TXNRD1: variants seen among roughly 807,000 people sequenced by gnomAD.
TXNRD1 encodes thioredoxin reductase 1, cytoplasmic.
A neutral mutation model predicts 80.3 loss-of-function variants in TXNRD1; 57 were observed. The observed-to-expected ratio is 0.71, with a 90% CI of 0.57 to 0.89. The LOEUF (loss-of-function observed/expected upper bound fraction) is 0.89. TXNRD1 is among the 40% of genes least tolerant of loss of function. The probability of loss-of-function intolerance (pLI) is 0.00; values close to 1 mark genes in which losing one functional copy is unlikely to be tolerated. For missense variants in TXNRD1, 730 were observed against 803.0 expected, an observed-to-expected ratio of 0.91 and a Z score of 1.10; for synonymous variants, 291 against 285.2, an observed-to-expected ratio of 1.02 and a Z score of -0.20.
chr12:104,329,242 A>G (rs1298496199), intron 13 of TXNRD1, among the ~76,000 whole-genome samples: 1 of 151,966 alleles, frequency 6.6e-6, no homozygotes, highest in African/African-American at 2.4e-5. Context: ...GTTGTTGAGT[A>G]TCTGGTACCT....
rs74462356 is a variant in TXNRD1, at chr12:104,305,721, C to G, written c.415-5569C>G. 4.6e-5 allele frequency among the ~76,000 whole-genome samples: 7 copies of G among 152,260 alleles called. No individual in the cohort carries two copies. In the South Asian group the frequency reaches 1.2e-3, roughly 27 times the overall value. On this transcript the variant is annotated intron_variant, in intron 4 of 16. Coordinates refer to ENST00000525566, the MANE Select transcript of TXNRD1 (RefSeq NM_001093771.3). ...TAATATCCTGAGAAGATGTTTTTGTCAAACTATTATACATTGAACACAAGA... is the reference window on the plus strand; with the variant it reads ...TAATATCCTGAGAAGATGTTTTTGTGAAACTATTATACATTGAACACAAGA...
chr12:104,337,953 A>ATTTT lies in TXNRD1; in HGVS notation c.1747-1168_1747-1165dup, dbSNP rs761640158. 2.3e-3 allele frequency among the ~76,000 whole-genome samples: 269 copies of ATTTT among 116,828 alleles called. 7 individuals are homozygous for ATTTT. The highest frequency in any genetic ancestry group is 5.9e-3 in the Middle Eastern group (1 of 170). The allele number at this position is 116,828 out of a possible 152,430, so 76.6% of individuals were successfully genotyped here. On this transcript the variant is annotated intron_variant, in intron 15 of 16. Transcript: ENST00000525566. ...AGATGTGAGCCACTGTGCCCAGCTA[A>ATTTT]TTTTTTTTTTTTTTTTTTTTTCCTG...
intron 16 of TXNRD1, among the ~76,000 whole-genome samples, chr12:104,345,757 G>GT (rs978641394): frequency 6.6e-6 from 1 of 152,094 alleles, no homozygotes; most frequent in Non-Finnish European, 1.5e-5. Context: ...AAGTTTTTGT[G>GT]TTTTTTGTTT....
chr12:104,314,460 A>C (rs534267316), intron 6 of TXNRD1, among the ~76,000 whole-genome samples: 1 of 152,156 alleles, frequency 6.6e-6, no homozygotes, highest in Admixed American at 6.5e-5. Flanking sequence ...ATCCCTTCTG[A>C]CCTGTGGAGC....
rs2034000419 is a variant in TXNRD1, at chr12:104,287,236, G to A, written c.305-1695G>A. 3 of 1,613,004 alleles carry A rather than the reference G, an allele frequency of 1.9e-6. No homozygotes were observed. In the Admixed American group the frequency reaches 5.0e-5, roughly 27 times the overall value. The stretch of plus-strand genomic sequence containing the variant: ...GCAGCAGTGTGCGTCTCGGGGAAGG[G>A]AAGATATTTTAAGGCGTGTCTGAGC... On this transcript the variant is annotated intron_variant, in intron 3 of 16. Transcript: ENST00000525566.
rs1480473831 is a variant in TXNRD1, at chr12:104,234,650, A to G, written c.92-16877A>G. Among the ~76,000 whole-genome samples, 3 of 151,464 alleles carry G rather than the reference A, an allele frequency of 2.0e-5. No homozygotes were observed. In the East Asian group the frequency reaches 5.8e-4, roughly 29 times the overall value. On this transcript the variant is annotated intron_variant, in intron 1 of 16. Transcript: ENST00000525566. The stretch of plus-strand genomic sequence containing the variant: ...TTTTAAAGTCAGGGAAAAAAAAAAA[A>G]AAAAAAGAAGCCTTCCAAAATTTAA...
At chr12:104,248,509 T>C (rs2033039800) in intron 1 of TXNRD1, among the ~76,000 whole-genome samples, 1 of 152,152 alleles carries the variant, frequency 6.6e-6, no homozygotes, top group African/African-American at 2.4e-5. Flanking sequence ...GGTCTCAAAC[T>C]CCTAACCTCA....
At chr12:104,347,257 G>A (rs998772824) in intron 16 of TXNRD1, among the ~76,000 whole-genome samples, 5 of 151,786 alleles carry the variant, frequency 3.3e-5, no homozygotes, top group African/African-American at 1.2e-4. Flanking sequence ...CTGGCCATTA[G>A]TATTTGGTCT....
chr12:104,222,390 G>A (rs534009979), intron 1 of TXNRD1, among the ~76,000 whole-genome samples: 19 of 151,974 alleles, frequency 1.3e-4, no homozygotes, highest in African/African-American at 4.1e-4. Context: ...AAAAAAAACA[G>A]GTATCAAAAC....
Position 104,227,725 on chromosome 12 carries a change from C to T in TXNRD1, c.91+11832C>T, listed in dbSNP as rs192540044. On this transcript the variant is annotated intron_variant, in intron 1 of 16. Transcript: ENST00000525566. The stretch of plus-strand genomic sequence containing the variant: ...TATTCCAATCTCTGGAGCCACTGAC[C>T]TGTTCTCCATCAATATAGTTTTGTC... Among the ~76,000 whole-genome samples, 28 of 152,322 alleles carry T rather than the reference C, an allele frequency of 1.8e-4. No individual in the cohort carries two copies. The East Asian group carries it at 5.0e-3, about 27-fold the overall frequency.
chr12:104,329,952 C>T (rs981379114), intron 13 of TXNRD1, among the ~76,000 whole-genome samples: 1 of 152,216 alleles, frequency 6.6e-6, no homozygotes, highest in Non-Finnish European at 1.5e-5. Context: ...GCAGGGATCA[C>T]AGGCTTGCAC....
chr12:104,221,609 C>T (rs1282785805), intron 1 of TXNRD1, among the ~76,000 whole-genome samples: 2 of 152,208 alleles, frequency 1.3e-5, no homozygotes, highest in African/African-American at 4.8e-5. Context: ...TGAGCCACCG[C>T]TCCCGGCCAC....
In TXNRD1 at chr12:104,321,255, A is replaced by T; in HGVS notation, c.1154A>T (p.Lys385Ile). The T allele has an allele frequency of 6.2e-7, 1 of 1,613,992 alleles. No individual in the cohort carries two copies. The highest frequency in any genetic ancestry group is 8.5e-7 in the Non-Finnish European group (1 of 1,179,886). The part of the protein sequence containing the change: ...LRGFDQDMAN[K>I]IGEHMEEHGI... ...GGATTTGACCAGGACATGGCCAACA[A>T]AATTGGTGAACACATGGAAGAACAT... The change falls in exon 10 of 17, where the codon AAA becomes ATA. Residue 385 changes from lysine (K) to isoleucine (I), a missense_variant. Coordinates refer to ENST00000525566, the MANE Select transcript of TXNRD1 (RefSeq NM_001093771.3).
At position 104,321,035 on chromosome 12, in the gene TXNRD1, A is replaced by T; in HGVS notation, c.990-56A>T. 4 of 1,232,890 alleles carry T rather than the reference A, an allele frequency of 3.2e-6. No homozygotes were observed. The Admixed American group carries it at 8.4e-5, about 26-fold the overall frequency. The allele number at this position is 1,232,890 out of a possible 1,614,324, so 76.4% of individuals were successfully genotyped here. Reference sequence around the variant, plus strand: ...AAATGTGTACTTGGATTTAGTAATTATTTATATAGGAACTTTCTTTTTCTT... The same window carrying T: ...AAATGTGTACTTGGATTTAGTAATTTTTTATATAGGAACTTTCTTTTTCTT... On this transcript the variant is annotated intron_variant, in intron 9 of 16. Coordinates refer to ENST00000525566, the MANE Select transcript of TXNRD1 (RefSeq NM_001093771.3).
chr12:104,226,660 C>T (rs183705545), intron 1 of TXNRD1, among the ~76,000 whole-genome samples: 24 of 152,272 alleles, frequency 1.6e-4, no homozygotes, highest in African/African-American at 3.4e-4. Context: ...AGCACCTATG[C>T]GCCTTAGTTC....
chr12:104,293,186 T>C (rs1239768621), intron 4 of TXNRD1, among the ~76,000 whole-genome samples: 1 of 152,184 alleles, frequency 6.6e-6, no homozygotes, highest in African/African-American at 2.4e-5. Flanking sequence ...GAGAGGCCTA[T>C]TGGTGGTACT....
At chr12:104,219,547 G>A (rs2032301891) in intron 1 of TXNRD1, among the ~76,000 whole-genome samples, 1 of 152,160 alleles carries the variant, frequency 6.6e-6, no homozygotes, top group Non-Finnish European at 1.5e-5. Flanking sequence ...AAAAGTAGAT[G>A]GGTACACACC....
intron 3 of TXNRD1, among the ~76,000 whole-genome samples, chr12:104,285,762 A>AG (rs2033957624): frequency 6.6e-6 from 1 of 152,176 alleles, no homozygotes; most frequent in Non-Finnish European, 1.5e-5. Flanking sequence ...TTGGCTTGGG[A>AG]GCCAGGAGTA....
At position 104,251,628 on chromosome 12, in the gene TXNRD1, G is replaced by T. The variant is rs768936615; in HGVS notation, c.193G>T (p.Gly65Cys). 2.5e-6 allele frequency: 4 copies of T among 1,613,742 alleles called. No individual in the cohort carries two copies. The highest frequency in any genetic ancestry group is 8.5e-7 in the Non-Finnish European group (1 of 1,179,764). Residue 65 changes from glycine to cysteine, a missense_variant, in exon 2 of 17, where the codon GGT becomes TGT. Transcript: ENST00000525566. ...AGCCCTGCTTCAGGCCTATATAGAT[G>T]GTCACTCTGTGGTCATCTTCAGTAG... Reference protein sequence around the residue: ...SRALLQAYIDGHSVVIFSRST... With the variant: ...SRALLQAYIDCHSVVIFSRST...
Sources: gnomAD v4.1 joint callset for allele counts (sites outside exome capture counted in the v4.1 genomes callset) on GRCh38, gnomAD v4.1.1 for gene constraint, MANE v1.5 for transcripts, NCBI Gene and HGNC (gene_info 2026-07-23, HGNC 2026-07-21) for gene names.